Variants in RBX1 observed in about 807,000 individuals in gnomAD.
The protein encoded by RBX1 is E3 ubiquitin-protein ligase RBX1.
For missense variants in RBX1, 46 were observed against 141.4 expected (o/e 0.33, Z 3.42); for synonymous variants, 48 against 47.9 (o/e 1.00, Z -0.01).
At chr22:40,951,908 C>T (rs1601532995) in intron 1 of RBX1, among the ~76,000 whole-genome samples, 1 of 152,004 alleles carries the variant, frequency 6.6e-6, no homozygotes, top group African/African-American at 2.4e-5. Context: ...CATTAGAGGC[C>T]TCTGAGGACC....
At chr22:40,961,518 A>G (rs1276303477) in intron 2 of RBX1, among the ~76,000 whole-genome samples, 2 of 151,604 alleles carry the variant, frequency 1.3e-5, no homozygotes, top group African/African-American at 4.9e-5. Flanking sequence ...GGTTCACACC[A>G]TTCTCCTGCC....
chr22:40,964,185 C>T, intron 3 of RBX1, 68 bp downstream of exon 3: 2 of 1,251,838 alleles, frequency 1.6e-6, no homozygotes, highest in Non-Finnish European at 2.3e-6. Context: ...CTTTGCTAGT[C>T]TTGAAAATAA....
At chr22:40,960,861 C>T (rs1418426326) in intron 2 of RBX1, among the ~76,000 whole-genome samples, 2 of 152,090 alleles carry the variant, frequency 1.3e-5, no homozygotes, top group African/African-American at 4.8e-5. Flanking sequence ...CAGGTTCCAG[C>T]GATTCTCCTG....
Position 40,951,591 on chromosome 22 carries a change from ACC to A in RBX1, c.78+116_78+117del. ...GGTTTCATTTCAGGGCGTTCCTGGGACCGGGTACCACGAAAGGAAGCCGGGGG... is the reference window on the plus strand; with the variant it reads ...GGTTTCATTTCAGGGCGTTCCTGGGAGGGTACCACGAAAGGAAGCCGGGGG... On this transcript the variant is annotated intron_variant, in intron 1 of 4. Transcript: ENST00000216225. The A allele has an allele frequency of 6.2e-6, 6 of 960,110 alleles. No homozygotes were observed. The South Asian group carries it at 9.6e-5, about 15-fold the overall frequency. 59.5% of individuals were successfully genotyped at this position (960,110 alleles called of 1,614,324 possible).
At chr22:40,962,672 ATTTAT>A (rs1477892142) in intron 2 of RBX1, among the ~76,000 whole-genome samples, 1 of 135,124 alleles carries the variant, frequency 7.4e-6, no homozygotes, top group Non-Finnish European at 1.6e-5. Flanking sequence ...GCTAATTTTT[ATTTAT>A]TTTTTTATTT....
At chr22:40,952,294 CACAGTTTGGGAGA>C (rs1364304025) in intron 1 of RBX1, among the ~76,000 whole-genome samples, 1 of 152,114 alleles carries the variant, frequency 6.6e-6, no homozygotes, top group Admixed American at 6.5e-5. Context: ...AGTGGTTTGC[CACAGTTTGGGAGA>C]ACAGTATCGA....
At chr22:40,957,146 G>T (rs898120899) in intron 2 of RBX1, among the ~76,000 whole-genome samples, 1 of 151,792 alleles carries the variant, frequency 6.6e-6, no homozygotes, top group African/African-American at 2.4e-5. Flanking sequence ...AGGAGATCCA[G>T]ACCATCCTGG....
chr22:40,951,652 C>T (rs1185528467), intron 1 of RBX1, among the ~76,000 whole-genome samples, 176 bp downstream of exon 1: 1 of 152,090 alleles, frequency 6.6e-6, no homozygotes, highest in African/African-American at 2.4e-5. Flanking sequence ...TGACGGCGGC[C>T]CACTGTTGGG....
chr22:40,953,420 G>A lies in RBX1; in HGVS notation c.79-135G>A, dbSNP rs149104551. The A allele has an allele frequency of 4.5e-3, 2,696 of 602,134 alleles. 19 individuals carry two copies. The highest frequency in any genetic ancestry group is 0.024 in the Middle Eastern group (87 of 3,620). 37.3% of individuals were successfully genotyped at this position (602,134 alleles called of 1,614,324 possible). A position where few individuals can be genotyped will look rare whatever the true frequency, so the allele number is the denominator to read the frequency against. On this transcript the variant is annotated intron_variant, in intron 1 of 4. Transcript: ENST00000216225. ...TTGTCTTTGGTATAATAAGATTAAC[G>A]TAATATCCAAAAACTTTTGTTTGGT...
chr22:40,960,871 G>A (rs1276821556), intron 2 of RBX1, among the ~76,000 whole-genome samples: 1 of 152,016 alleles, frequency 6.6e-6, no homozygotes, highest in East Asian at 1.9e-4. Context: ...CGATTCTCCT[G>A]CCTCAGCCTC....
intron 2 of RBX1, among the ~76,000 whole-genome samples, chr22:40,958,774 TTTTGGTTTGGTTTGGTTTGG>T (rs57128854): frequency 8.3e-5 from 12 of 144,706 alleles, no homozygotes; most frequent in East Asian, 2.1e-4. Context: ...TCCATCAGTA[TTTTGGTTTGGTTTGGTTTGG>T]TTTGGTTTGG....
At chr22:40,966,052 T>G (rs2058353547) in intron 3 of RBX1, 1 of 152,286 alleles carries the variant, frequency 6.6e-6, no homozygotes, top group South Asian at 2.1e-4. Context: ...GTTCTGGGTC[T>G]TCTACAAACC....
At chr22:40,952,138 A>G (rs2058312852) in intron 1 of RBX1, among the ~76,000 whole-genome samples, 1 of 152,156 alleles carries the variant, frequency 6.6e-6, no homozygotes, top group Admixed American at 6.6e-5. Context: ...CTTCCAAAAT[A>G]ATAATAAAAA....
intron 4 of RBX1, among the ~76,000 whole-genome samples, 163 bp downstream of exon 4, chr22:40,968,047 A>G (rs1445441059): frequency 6.7e-6 from 1 of 149,458 alleles, no homozygotes. Context: ...ACAAAGGATT[A>G]GCCAACATTA....
intron 4 of RBX1, among the ~76,000 whole-genome samples, chr22:40,970,136 A>G (rs2058365019): frequency 6.6e-6 from 1 of 151,006 alleles, no homozygotes; most frequent in Non-Finnish European, 1.5e-5. Flanking sequence ...TGGGTGGATC[A>G]CCTGAGGTCA....
At chr22:40,960,642 AAGTT>A (rs1398162842) in intron 2 of RBX1, among the ~76,000 whole-genome samples, 1 of 152,102 alleles carries the variant, frequency 6.6e-6, no homozygotes, top group Non-Finnish European at 1.5e-5. Context: ...GTCTTCCTCT[AAGTT>A]AGAGGATCCA....
intron 4 of RBX1, among the ~76,000 whole-genome samples, chr22:40,968,863 T>C (rs1002313322): frequency 7.9e-5 from 12 of 151,280 alleles, no homozygotes; most frequent in Non-Finnish European, 1.8e-4. Flanking sequence ...TTTTTTTTTT[T>C]CATTTTGTAC....
At chr22:40,953,394 G>C (rs1218384100) in intron 1 of RBX1, among the ~76,000 whole-genome samples, 161 bp from the exon 2 acceptor site, 1 of 152,174 alleles carries the variant, frequency 6.6e-6, no homozygotes, top group African/African-American at 2.4e-5. Context: ...GTAGTCTACT[G>C]TTGTCTTTGG....
intron 4 of RBX1, among the ~76,000 whole-genome samples, chr22:40,970,219 G>A (rs2058365267): frequency 6.6e-6 from 1 of 151,942 alleles, no homozygotes; most frequent in Admixed American, 6.6e-5. Flanking sequence ...AGCCAGGCAT[G>A]GTGGTGCCTA....
Sources: gnomAD v4.1 joint callset for allele counts (sites outside exome capture counted in the v4.1 genomes callset) on GRCh38, gnomAD v4.1.1 for gene constraint, MANE v1.5 for transcripts, NCBI Gene and HGNC (gene_info 2026-07-23, HGNC 2026-07-21) for gene names.